NLGN4X: variants seen among roughly 807,000 people sequenced by gnomAD.
NLGN4X encodes neuroligin-4, X-linked.
Under a neutral mutation model 40.3 loss-of-function variants are expected in NLGN4X, and 3 were observed. The observed-to-expected ratio is 0.07, with a 90% CI of 0.03 to 0.19. The LOEUF is 0.19. NLGN4X is among the 10% of genes least tolerant of loss of function. The pLI is 1.00. For synonymous variants in NLGN4X, 270 were observed against 306.8 expected (o/e 0.88, Z 1.25); for missense variants, 382 against 708.3 (o/e 0.54, Z 5.23).
chrX:6,102,905 C>A (rs1408582839), intron 2 of NLGN4X, among the ~76,000 whole-genome samples: 1 of 111,340 alleles, frequency 9.0e-6, no homozygotes, highest in Non-Finnish European at 1.9e-5. Context: ...CATAGTGAGA[C>A]ATTTAGTCAA....
At chrX:6,143,627 T>C (rs1334606728) in intron 2 of NLGN4X, among the ~76,000 whole-genome samples, 1 of 112,312 alleles carries the variant, frequency 8.9e-6, no homozygotes, top group Non-Finnish European at 1.9e-5. Flanking sequence ...AACAGTATTA[T>C]CTTTTGAATA....
intron 2 of NLGN4X, among the ~76,000 whole-genome samples, chrX:6,073,602 T>C (rs1380905912): frequency 9.0e-6 from 1 of 111,212 alleles, no homozygotes; most frequent in Non-Finnish European, 1.9e-5. Context: ...ACAATGTCTA[T>C]CCTTAAGGTG....
chrX:5,969,674 T>C (rs1182478612), intron 3 of NLGN4X, among the ~76,000 whole-genome samples: 1 of 110,960 alleles, frequency 9.0e-6, no homozygotes, highest in East Asian at 2.9e-4. Context: ...CCACTACTGA[T>C]CATATACCCA....
At chrX:5,978,306 TTCTTTCTTTCTTTCTTTC>T (rs1303916050) in intron 3 of NLGN4X, among the ~76,000 whole-genome samples, 1 of 94,262 alleles carries the variant, frequency 1.1e-5, no homozygotes, top group Admixed American at 1.2e-4. Context: ...CTTTCTTTCT[TTCTTTCTTTCTTTCTTTC>T]TTTCTTTCTT....
At chrX:6,157,886 T>G (rs2040304846) in intron 1 of NLGN4X, among the ~76,000 whole-genome samples, 1 of 110,813 alleles carries the variant, frequency 9.0e-6, no homozygotes, top group Admixed American at 9.6e-5. Context: ...CTATGCTAGG[T>G]AAGGGTACGT....
At chrX:6,211,859 A>G (rs913874631) in intron 1 of NLGN4X, among the ~76,000 whole-genome samples, 1 of 112,052 alleles carries the variant, frequency 8.9e-6, no homozygotes, top group African/African-American at 3.2e-5. Flanking sequence ...ATGATGATCC[A>G]GTTTTACATT....
At chrX:6,035,145 T>C (rs902006527) in intron 2 of NLGN4X, among the ~76,000 whole-genome samples, 4 of 112,542 alleles carry the variant, frequency 3.6e-5, no homozygotes, top group African/African-American at 1.3e-4. Flanking sequence ...CTTCTTATTA[T>C]TGAATAGTAA....
Position 6,128,003 on chromosome X carries a change from A to G in NLGN4X, c.472+22992T>C, listed in dbSNP as rs775425327. Among the ~76,000 whole-genome samples, 10 of 111,002 alleles carry G rather than the reference A, an allele frequency of 9.0e-5. No individual in the cohort carries two copies. In the East Asian group the frequency reaches 2.3e-3, roughly 25 times the overall value. On this transcript the variant is annotated intron_variant, in intron 2 of 5. Coordinates refer to ENST00000381095, the MANE Select transcript of NLGN4X (RefSeq NM_181332.3). ...AATTTTTTAGAATGGGAGTTTTGCT[A>G]TGTTGCCCAGGCTGGTCTTGAACTC...
intron 2 of NLGN4X, among the ~76,000 whole-genome samples, chrX:6,030,369 C>T (rs907655069): frequency 1.4e-4 from 9 of 66,313 alleles, no homozygotes; most frequent in African/African-American, 4.5e-4. Context: ...ACTGACCTCA[C>T]GTATAAATAT....
chrX:6,213,394 G>A (rs1000910549), intron 1 of NLGN4X, among the ~76,000 whole-genome samples: 3 of 111,872 alleles, frequency 2.7e-5, no homozygotes, highest in African/African-American at 9.8e-5. Context: ...GCAAATCCAT[G>A]CAGTGTGGTA....
intron 1 of NLGN4X, among the ~76,000 whole-genome samples, chrX:6,220,768 C>T (rs1346221970): frequency 2.6e-5 from 2 of 76,387 alleles, no homozygotes; most frequent in African/African-American, 1.1e-4. Flanking sequence ...GACAGAGTCT[C>T]GCTCTGTCAC....
At chrX:6,212,154 G>A (rs1007437176) in intron 1 of NLGN4X, among the ~76,000 whole-genome samples, 3 of 109,490 alleles carry the variant, frequency 2.7e-5, no homozygotes, top group African/African-American at 1.0e-4. Context: ...GCTGAGACAG[G>A]AGAATGGCTT....
chrX:5,980,105 T>C (rs1029958683), intron 3 of NLGN4X, among the ~76,000 whole-genome samples: 1 of 107,138 alleles, frequency 9.3e-6, no homozygotes, highest in Non-Finnish European at 1.9e-5. Flanking sequence ...ATATTTTATA[T>C]ATAGTATACA....
intron 2 of NLGN4X, among the ~76,000 whole-genome samples, chrX:6,124,117 G>A (rs2039488558): frequency 1.8e-5 from 2 of 110,645 alleles, no homozygotes; most frequent in Admixed American, 9.6e-5. Context: ...AACAAAAATT[G>A]TAAATGTCAA....
intron 3 of NLGN4X, among the ~76,000 whole-genome samples, chrX:5,949,158 A>T (rs758891899): frequency 1.1e-4 from 12 of 112,028 alleles, no homozygotes; most frequent in African/African-American, 3.2e-4. Context: ...GAAGACAGTC[A>T]CTGAGGCCAG....
chrX:5,992,834 T>C (rs1287674279), intron 3 of NLGN4X, among the ~76,000 whole-genome samples: 3 of 110,482 alleles, frequency 2.7e-5, no homozygotes, highest in African/African-American at 6.6e-5. Flanking sequence ...TGAGAAATAA[T>C]AGAGCAAGAA....
chrX:5,976,867 T>C (rs748981281), intron 3 of NLGN4X, among the ~76,000 whole-genome samples: 6 of 112,967 alleles, frequency 5.3e-5, no homozygotes, highest in Non-Finnish European at 1.1e-4. Context: ...ATGATGATAA[T>C]TGAGAGATGA....
chrX:6,048,667 A>C (rs1001369680), intron 2 of NLGN4X, among the ~76,000 whole-genome samples: 1 of 111,481 alleles, frequency 9.0e-6, no homozygotes, highest in African/African-American at 3.3e-5. Flanking sequence ...TGCAGCCATA[A>C]AACAGAACAA....
chrX:6,073,467 G>A (rs1183624011), intron 2 of NLGN4X, among the ~76,000 whole-genome samples: 2 of 112,081 alleles, frequency 1.8e-5, no homozygotes, highest in East Asian at 5.6e-4. Context: ...TTTGCATAGA[G>A]GGCCAAAGCC....
Sources: allele counts gnomAD v4.1 joint callset (sites outside exome capture counted in the v4.1 genomes callset), GRCh38; gene constraint gnomAD v4.1.1; transcripts MANE v1.5; gene names NCBI Gene and HGNC (gene_info 2026-07-23, HGNC 2026-07-21).